CTDSPL: variants seen among roughly 807,000 people sequenced by gnomAD.
CTDSPL encodes the protein CTD small phosphatase-like protein.
CTDSPL carries 8 observed loss-of-function variants against 30.5 expected under a neutral mutation model. The observed-to-expected ratio is 0.26, with a 90% CI of 0.15 to 0.47. CTDSPL has a LOEUF of 0.47. Among genes scored for constraint, CTDSPL ranks in the 20% least tolerant of loss-of-function variants. The pLI, the probability that CTDSPL is intolerant of heterozygous loss-of-function variation, is 0.99. For missense variants in CTDSPL, 248 were observed against 366.1 expected (o/e 0.68, Z 2.63); for synonymous variants, 110 against 137.9 (o/e 0.80, Z 1.42).
At chr3:37,945,564 C>T (rs780930350) in intron 1 of CTDSPL, among the ~76,000 whole-genome samples, 12 of 152,194 alleles carry the variant, frequency 7.9e-5, no homozygotes, top group South Asian at 2.1e-4. Context: ...TTAGGTGGCC[C>T]GCATGCCTGG....
At chr3:37,889,141 C>G (rs1231730860) in intron 1 of CTDSPL, among the ~76,000 whole-genome samples, 1 of 152,186 alleles carries the variant, frequency 6.6e-6, no homozygotes, top group Non-Finnish European at 1.5e-5. Flanking sequence ...GGCTGAGTAG[C>G]AGGCAGTAAG....
At chr3:37,930,663 C>G (rs886896178) in intron 1 of CTDSPL, among the ~76,000 whole-genome samples, 1 of 152,180 alleles carries the variant, frequency 6.6e-6, no homozygotes, top group African/African-American at 2.4e-5. Flanking sequence ...AACATGTGAT[C>G]TATCCTGGAG....
intron 1 of CTDSPL, among the ~76,000 whole-genome samples, chr3:37,929,979 G>A (rs991335268): frequency 5.3e-5 from 8 of 152,030 alleles, no homozygotes; most frequent in Admixed American, 6.6e-5. Context: ...ATGGTGGTGC[G>A]TCCTGTAATC....
intron 1 of CTDSPL, among the ~76,000 whole-genome samples, chr3:37,871,023 T>C (rs780262436): frequency 3.0e-4 from 46 of 152,180 alleles, no homozygotes; most frequent in Non-Finnish European, 6.3e-4. Flanking sequence ...TATGAGTTTG[T>C]ACAAATGTAT....
chr3:37,945,726 T>C (rs1481256409), intron 1 of CTDSPL, among the ~76,000 whole-genome samples: 6 of 152,242 alleles, frequency 3.9e-5, no homozygotes, highest in Admixed American at 3.9e-4. Context: ...AGCTCATCTT[T>C]AGTAAGTGTG....
intron 4 of CTDSPL, 136 bp from the exon 5 acceptor site, chr3:37,967,690 A>T: frequency 1.7e-6 from 1 of 604,616 alleles, no homozygotes; most frequent in Non-Finnish European, 2.9e-6. Context: ...GAACCAAGGC[A>T]TGCTTCATCA....
At chr3:37,973,604 C>G (rs536980801) in intron 6 of CTDSPL, among the ~76,000 whole-genome samples, 1 of 152,372 alleles carries the variant, frequency 6.6e-6, no homozygotes, top group African/African-American at 2.4e-5. Flanking sequence ...ACTCGGCTTC[C>G]AGCCAGCAGT....
chr3:37,972,453 C>T (rs188210950), intron 6 of CTDSPL, among the ~76,000 whole-genome samples: 2 of 152,172 alleles, frequency 1.3e-5, no homozygotes, highest in African/African-American at 4.8e-5. Context: ...GATCATGCCA[C>T]TGCACTCCAC....
intron 3 of CTDSPL, among the ~76,000 whole-genome samples, chr3:37,963,410 A>T (rs1385239823): frequency 1.3e-5 from 2 of 152,222 alleles, no homozygotes; most frequent in African/African-American, 4.8e-5. Context: ...AAAAAATAAA[A>T]AGAGGAAAGA....
chr3:37,887,062 T>C (rs1220398137), intron 1 of CTDSPL, among the ~76,000 whole-genome samples: 1 of 152,186 alleles, frequency 6.6e-6, no homozygotes, highest in East Asian at 1.9e-4. Context: ...TTTGGGTTAC[T>C]CTACAATCAG....
intron 6 of CTDSPL, among the ~76,000 whole-genome samples, chr3:37,972,203 TTGA>T (rs1699375018): frequency 1.3e-5 from 2 of 152,186 alleles, no homozygotes; most frequent in African/African-American, 2.4e-5. Flanking sequence ...CAATTATTTG[TTGA>T]TGATGATAGG....
chr3:37,952,961 C>T (rs548699830), intron 2 of CTDSPL, among the ~76,000 whole-genome samples: 36 of 152,200 alleles, frequency 2.4e-4, no homozygotes, highest in African/African-American at 3.6e-4. Context: ...AAATATAATG[C>T]GAGTCACATG....
At chr3:37,864,601 T>A (rs1697987787) in intron 1 of CTDSPL, among the ~76,000 whole-genome samples, 1 of 152,140 alleles carries the variant, frequency 6.6e-6, no homozygotes, top group Non-Finnish European at 1.5e-5. Context: ...ACCTATAATG[T>A]CGCAATAAAC....
In CTDSPL at chr3:37,939,135, G is replaced by T. The variant is rs1043500308; in HGVS notation, c.80-7922G>T. On this transcript the variant is annotated intron_variant, in intron 1 of 7. Coordinates refer to ENST00000273179, the MANE Select transcript of CTDSPL (RefSeq NM_001008392.2). ...CTGTTTTTGTGAGGACCGTTGTCTG[G>T]ATACAAGCTAAATTCTCCATGTTCA... Among the ~76,000 whole-genome samples the T allele has an allele frequency of 1.2e-4, 18 of 150,292 alleles. 1 individual carries two copies. The South Asian group carries it at 3.7e-3, about 31-fold the overall frequency.
chr3:37,936,437 T>C (rs1280546975), intron 1 of CTDSPL, among the ~76,000 whole-genome samples: 2 of 152,068 alleles, frequency 1.3e-5, no homozygotes, highest in African/African-American at 4.8e-5. Context: ...CTCCCCCTTT[T>C]ATTCAAACAG....
intron 1 of CTDSPL, among the ~76,000 whole-genome samples, chr3:37,883,452 T>A (rs1162356878): frequency 6.6e-6 from 1 of 152,358 alleles, no homozygotes; most frequent in African/African-American, 2.4e-5. Context: ...GACCTCTAAC[T>A]AAAACATGGC....
chr3:37,898,549 G>A (rs148590788), intron 1 of CTDSPL, among the ~76,000 whole-genome samples: 604 of 152,182 alleles, frequency 4.0e-3, no homozygotes, highest in Middle Eastern at 0.024. Flanking sequence ...CTTACTACGA[G>A]CCCCGTGCCA....
chr3:37,907,997 G>A (rs73058914), intron 1 of CTDSPL, among the ~76,000 whole-genome samples: 8,855 of 152,310 alleles, frequency 0.058, 299 homozygotes, highest in South Asian at 0.11. Flanking sequence ...AGTCTGCAGG[G>A]TTTTGTTTTT....
At chr3:37,927,676 G>A (rs9874180) in intron 1 of CTDSPL, among the ~76,000 whole-genome samples, 2,866 of 120,588 alleles carry the variant, frequency 0.024, 45 homozygotes, top group South Asian at 0.073. Flanking sequence ...GTGTGTGTGT[G>A]TGTATGTGTA....
Sources: gnomAD v4.1 joint callset for allele counts (sites outside exome capture counted in the v4.1 genomes callset) on GRCh38, gnomAD v4.1.1 for gene constraint, MANE v1.5 for transcripts, NCBI Gene and HGNC (gene_info 2026-07-23, HGNC 2026-07-21) for gene names.